KIFC3: variants seen among roughly 807,000 people sequenced by gnomAD.
The protein encoded by KIFC3 is kinesin-like protein KIFC3.
KIFC3 carries 60 observed loss-of-function variants against 101.8 expected under a neutral mutation model. The observed-to-expected ratio is 0.59, with a 90% CI of 0.48 to 0.73. KIFC3 has a LOEUF of 0.73. Ranked by LOEUF, KIFC3 falls within the 30% of genes least tolerant of loss-of-function variation. The pLI is 0.00. For synonymous variants in KIFC3, 476 were observed against 482.7 expected (o/e 0.99, Z 0.18); for missense variants, 966 against 1,137.1 (o/e 0.85, Z 2.16).
intron 2 of KIFC3, among the ~76,000 whole-genome samples, chr16:57,796,661 T>C (rs1408274983): frequency 1.3e-5 from 2 of 152,210 alleles, no homozygotes; most frequent in Non-Finnish European, 2.9e-5. Flanking sequence ...AAAGTCTGTA[T>C]GGTCATATAA....
chr16:57,770,708 G>A lies in KIFC3; in HGVS notation c.766-8C>T. On this transcript the variant is annotated splice_region_variant and splice_polypyrimidine_tract_variant and intron_variant, in intron 6 of 19. Transcript: ENST00000445690. ...CACTGTCTTGATGACATACTGCAGG[G>A]TGAGGGAGGAATGGCACGTGGAGCC... 1 of 1,455,708 alleles carries A rather than the reference G, an allele frequency of 6.9e-7. No homozygotes were observed. Among genetic ancestry groups the A allele is most frequent in the Non-Finnish European group, 9.1e-7 (1 of 1,097,796 alleles). 90.2% of individuals were successfully genotyped at this position (1,455,708 alleles called of 1,614,324 possible).
Position 57,758,326 on chromosome 16 carries a change from AGGTGAGCGAGCAGCAGAATC to A in KIFC3, c.*588_*607del. 4.0e-6 allele frequency: 1 copy of A among 251,292 alleles called. No individual in the cohort carries two copies. The highest frequency in any genetic ancestry group is 4.1e-5 in the South Asian group (1 of 24,608). The allele number at this position is 251,292 out of a possible 1,614,324, so 15.6% of individuals were successfully genotyped here. ...AATTCGAGAGACCAGCGAGCCAGGC[AGGTGAGCGAGCAGCAGAATC>A]CCCCACCCGCTGGCTGCCTCTGCCA... On this transcript the variant is annotated 3_prime_UTR_variant, in exon 20 of 20. Transcript: ENST00000445690.
In KIFC3 at chr16:57,776,151, G is replaced by C. The variant is rs1428154098; in HGVS notation, c.316-3863C>G. ...TTACCTCCCACCAAGCCCAGTCAACGATCATCAGCTGTCTGCTGAGGAAAA... is the reference window on the plus strand; with the variant it reads ...TTACCTCCCACCAAGCCCAGTCAACCATCATCAGCTGTCTGCTGAGGAAAA... On this transcript the variant is annotated intron_variant, in intron 3 of 19. Transcript: ENST00000445690. The C allele has an allele frequency of 3.0e-6, 3 of 985,278 alleles. No individual in the cohort carries two copies. In the East Asian group the frequency reaches 3.4e-4, roughly 112 times the overall value. 61.0% of individuals were successfully genotyped at this position (985,278 alleles called of 1,614,324 possible). A position where few individuals can be genotyped will look rare whatever the true frequency, so the allele number is the denominator to read the frequency against.
intron 1 of KIFC3, among the ~76,000 whole-genome samples, chr16:57,826,538 T>G (rs183355100): frequency 6.6e-6 from 1 of 152,212 alleles, no homozygotes; most frequent in Non-Finnish European, 1.5e-5. Flanking sequence ...TTTGAAAATT[T>G]CACGTAAAAT....
chr16:57,801,728 A>T (rs1441983941), intron 1 of KIFC3, among the ~76,000 whole-genome samples: 1 of 152,196 alleles, frequency 6.6e-6, no homozygotes, highest in Non-Finnish European at 1.5e-5. Flanking sequence ...TTCCTCTTTA[A>T]TATCTCCCAG....
At chr16:57,813,748 G>T (rs2055150162) in intron 1 of KIFC3, 7 of 985,258 alleles carry the variant, frequency 7.1e-6, no homozygotes, top group Non-Finnish European at 8.4e-6. Flanking sequence ...CATCCTCACA[G>T]CCTCTGCAGC....
At chr16:57,836,882 T>C (rs1473651305) in intron 1 of KIFC3, among the ~76,000 whole-genome samples, 4 of 152,100 alleles carry the variant, frequency 2.6e-5, no homozygotes, top group African/African-American at 4.8e-5. Context: ...TTTGTAGAGA[T>C]AGGGTCTTGT....
chr16:57,790,975 T>C (rs1009378494), intron 3 of KIFC3: 1 of 972,410 alleles, frequency 1.0e-6, no homozygotes, highest in African/African-American at 1.8e-5. Context: ...GGCTCACACC[T>C]GTAATCCCAG....
At chr16:57,797,966 T>G in intron 2 of KIFC3, 106 bp downstream of exon 2, 1 of 1,544,618 alleles carries the variant, frequency 6.5e-7, no homozygotes, top group Non-Finnish European at 8.7e-7. Flanking sequence ...TGTAATTACC[T>G]GACAGCTCTG....
At chr16:57,802,979 C>T (rs2149244138), upstream of KIFC3, 3 of 1,535,842 alleles carry the variant, frequency 2.0e-6, no homozygotes, top group East Asian at 4.9e-5. The surrounding 1 kb of genome is among the most constrained non-coding windows in gnomAD (Gnocchi z 5.0). Context: ...ACATGTACAT[C>T]CCTTACCGTG....
rs1316851191 is a variant in KIFC3, at chr16:57,768,096, TG to T, written c.1219-1112del. ...ATGCCAGCACTTTGGGAGGCGGAGG[TG>T]GGCGGATCACCTGAGGTCAGGAGTT... On this transcript the variant is annotated intron_variant, in intron 9 of 19. Transcript: ENST00000445690. Among the ~76,000 whole-genome samples, 4 of 151,872 alleles carry T rather than the reference TG, an allele frequency of 2.6e-5. No homozygotes were observed. The East Asian group carries it at 5.8e-4, about 22-fold the overall frequency.
exon 1 of KIFC3, chr16:57,862,802 G>A (rs1596926663): frequency 2.3e-6 from 3 of 1,289,540 alleles, no homozygotes; most frequent in African/African-American, 3.0e-5. Context: ...AGCTGTCAGA[G>A]TGTTCTTCCT....
intron 13 of KIFC3, 88 bp downstream of exon 13, chr16:57,762,052 G>T (rs991166862): frequency 3.7e-5 from 53 of 1,445,314 alleles, no homozygotes; most frequent in Non-Finnish European, 4.7e-5. Flanking sequence ...CATACTGGGG[G>T]TCCCACCTGA....
chr16:57,833,866 C>CTTTTTT (rs201843937), intron 1 of KIFC3, among the ~76,000 whole-genome samples: 8 of 111,300 alleles, frequency 7.2e-5, no homozygotes, highest in South Asian at 3.1e-4. Context: ...AATGCAGTTG[C>CTTTTTT]TTTTTTTTTT....
chr16:57,832,235 G>A (rs1349979892), intron 1 of KIFC3, among the ~76,000 whole-genome samples: 7 of 151,060 alleles, frequency 4.6e-5, no homozygotes, highest in African/African-American at 1.7e-4. Flanking sequence ...TGTCCAGGCT[G>A]GACTCGAACT....
intron 1 of KIFC3, among the ~76,000 whole-genome samples, chr16:57,824,214 A>AACCTCTGTTGGTCC (rs2055413790): frequency 6.6e-6 from 1 of 152,124 alleles, no homozygotes; most frequent in Non-Finnish European, 1.5e-5. Flanking sequence ...GGTGCATAAG[A>AACCTCTGTTGGTCC]ACCTCTGTTG....
At chr16:57,764,041 A>G in intron 12 of KIFC3, 102 bp downstream of exon 12, 2 of 837,264 alleles carry the variant, frequency 2.4e-6, no homozygotes, top group Non-Finnish European at 4.0e-6. Context: ...TGAGGACCAA[A>G]TGAGGCAAAA....
At chr16:57,768,018 C>G (rs765433914) in intron 9 of KIFC3, among the ~76,000 whole-genome samples, 40 of 152,014 alleles carry the variant, frequency 2.6e-4, no homozygotes, top group Non-Finnish European at 4.7e-4. Flanking sequence ...CTTATAATAT[C>G]TAATACAATG....
intron 1 of KIFC3, among the ~76,000 whole-genome samples, chr16:57,834,660 C>T (rs1032915548): frequency 1.3e-5 from 2 of 152,202 alleles, no homozygotes; most frequent in South Asian, 2.1e-4. Context: ...TATAGGCACA[C>T]GTCACAAGTC....
Sources: gnomAD v4.1 joint callset for allele counts (sites outside exome capture counted in the v4.1 genomes callset) on GRCh38, gnomAD v4.1.1 for gene constraint, Gnocchi (gnomAD v3.1) non-coding constraint, MANE v1.5 for transcripts, NCBI Gene and HGNC (gene_info 2026-07-23, HGNC 2026-07-21) for gene names.